Variants in EYA1 observed in about 807,000 individuals in gnomAD.
EYA1 encodes the protein EYA transcriptional coactivator and phosphatase 1, also known as protein phosphatase EYA1.
Under a neutral mutation model 82.0 loss-of-function variants are expected in EYA1, and 16 were observed. The ratio of observed to expected loss-of-function variants is 0.20; its 90% CI spans 0.13 to 0.30. EYA1 has a LOEUF of 0.30. Ranked by LOEUF, EYA1 falls within the 10% of genes least tolerant of loss-of-function variation. The pLI, the probability that EYA1 is intolerant of heterozygous loss-of-function variation, is 1.00. For missense variants in EYA1, 633 were observed against 730.7 expected, an observed-to-expected ratio of 0.87 and a Z score of 1.54; for synonymous variants, 261 against 264.4, an observed-to-expected ratio of 0.99 and a Z score of 0.12.
At chr8:71,396,301 C>T (rs1171095431) in intron 2 of EYA1, among the ~76,000 whole-genome samples, 1 of 152,092 alleles carries the variant, frequency 6.6e-6, no homozygotes, top group Non-Finnish European at 1.5e-5. Flanking sequence ...TTCAGTTCTG[C>T]TCTGATCTTA....
chr8:71,317,446 C>T, intron 7 of EYA1, 106 bp downstream of exon 7: 1 of 1,214,420 alleles, frequency 8.2e-7, no homozygotes, highest in Non-Finnish European at 1.2e-6. Context: ...TAAGCCCAAT[C>T]CAGTTGCCAT....
At chr8:71,451,975 G>A (rs920434531) in intron 2 of EYA1, among the ~76,000 whole-genome samples, 4 of 152,166 alleles carry the variant, frequency 2.6e-5, no homozygotes, top group Admixed American at 1.3e-4. Context: ...GTGAGGCATC[G>A]CCTCACCTGG....
intron 2 of EYA1, among the ~76,000 whole-genome samples, chr8:71,466,349 A>T (rs1416160059): frequency 2.0e-5 from 3 of 151,888 alleles, no homozygotes; most frequent in African/African-American, 7.3e-5. Context: ...AGTTTTTTTG[A>T]AAAGCTTTTT....
At chr8:71,203,569 G>C (rs1807341463) in intron 17 of EYA1, among the ~76,000 whole-genome samples, 1 of 152,166 alleles carries the variant, frequency 6.6e-6, no homozygotes, top group Admixed American at 6.5e-5. Context: ...GGCCTGTGGA[G>C]GATGGGGCTG....
intron 2 of EYA1, among the ~76,000 whole-genome samples, chr8:71,395,503 G>T (rs376226742): frequency 1.3e-5 from 2 of 152,176 alleles, no homozygotes; most frequent in Admixed American, 6.5e-5. Flanking sequence ...TAGCATGAAG[G>T]GTTGTTGAAT....
At chr8:71,362,307 T>A, upstream of EYA1, 1 of 638,032 alleles carries the variant, frequency 1.6e-6, no homozygotes, top group Non-Finnish European at 1.9e-6. Context: ...ATTATGTAAA[T>A]GAACGCGCCC....
chr8:71,463,958 T>A (rs1219838350), intron 2 of EYA1, among the ~76,000 whole-genome samples: 1 of 152,010 alleles, frequency 6.6e-6, no homozygotes, highest in Non-Finnish European at 1.5e-5. Context: ...TAAAGGAGAG[T>A]AAGGACTATG....
chr8:71,240,887 A>G (rs184051458), intron 12 of EYA1, among the ~76,000 whole-genome samples: 13 of 152,304 alleles, frequency 8.5e-5, no homozygotes, highest in African/African-American at 3.1e-4. Flanking sequence ...AGCTAACAGA[A>G]AGAACTCTTT....
chr8:71,215,703 T>G lies in EYA1; in HGVS notation c.1386A>C (p.Glu462Asp). The G allele has an allele frequency of 1.2e-6, 2 of 1,614,046 alleles. No individual in the cohort carries two copies. Among genetic ancestry groups the G allele is most frequent in the Non-Finnish European group, 1.7e-6 (2 of 1,179,922 alleles). ...TTTCGGCCCTCAACTGCAGCCAGGC[T>G]TCCCTCTTAGCTGGACCAAGCAGAC... Reference protein sequence around the residue: ...VGGLLGPAKREAWLQLRAEIE... With the variant: ...VGGLLGPAKRDAWLQLRAEIE... The change falls in exon 15 of 18, where the codon GAA becomes GAC. Residue 462 changes from glutamate (E) to aspartate (D), a missense_variant. Coordinates refer to ENST00000340726, the MANE Select transcript of EYA1 (RefSeq NM_000503.6).
intron 9 of EYA1, among the ~76,000 whole-genome samples, chr8:71,285,860 T>C (rs558553506): frequency 1.2e-4 from 19 of 152,262 alleles, no homozygotes; most frequent in Non-Finnish European, 2.8e-4. Flanking sequence ...GAATACAACC[T>C]TTTAATTCTT....
chr8:71,462,021 A>G (rs1358615947), intron 2 of EYA1, among the ~76,000 whole-genome samples: 1 of 151,982 alleles, frequency 6.6e-6, no homozygotes, highest in East Asian at 1.9e-4. Flanking sequence ...ATGGGTGACC[A>G]TGGCTGGGCC....
chr8:71,412,638 A>G (rs13254855), intron 2 of EYA1, among the ~76,000 whole-genome samples: 33,708 of 152,140 alleles, frequency 0.22, 4,245 homozygotes, highest in Middle Eastern at 0.33. Flanking sequence ...TGAAATCTGC[A>G]TAATGGATAC....
At chr8:71,396,503 A>G (rs981399293) in intron 2 of EYA1, among the ~76,000 whole-genome samples, 2 of 152,052 alleles carry the variant, frequency 1.3e-5, no homozygotes, top group African/African-American at 2.4e-5. Flanking sequence ...CTTTGTTCTC[A>G]TTGGTTTCAA....
chr8:71,211,173 C>G lies in EYA1; in HGVS notation c.1681G>C (p.Glu561Gln), dbSNP rs1457532578. The G allele has an allele frequency of 5.0e-6, 8 of 1,611,850 alleles. No homozygotes were observed. Among genetic ancestry groups the G allele is most frequent in the Non-Finnish European group, 6.8e-6 (8 of 1,178,118 alleles). Residue 561 changes from glutamate (E) to glutamine (Q), a missense_variant, in exon 17 of 18, where the codon GAA becomes CAA. Coordinates refer to ENST00000340726, the MANE Select transcript of EYA1 (RefSeq NM_000503.6). ...YVVIGDGVEE[E>Q]QGAKKHAMPF... ...ATGCTCACCTTTTTTGCTCCTTGTTCTTCTTCTACACCATCTCCTATAACA... is the reference window on the plus strand; with the variant it reads ...ATGCTCACCTTTTTTGCTCCTTGTTGTTCTTCTACACCATCTCCTATAACA...
rs544063195 is a variant in EYA1, at chr8:71,209,205, A to AGACTT, written c.1698+1946_1698+1950dup. ...AATGCCAGAGGCTTTCCTAGAAAGAAGACTTGAGTCTGGATGTCAGAAAAC... is the reference window on the plus strand; with the variant it reads ...AATGCCAGAGGCTTTCCTAGAAAGAAGACTTGACTTGAGTCTGGATGTCAGAAAAC... On this transcript the variant is annotated intron_variant, in intron 17 of 17. Transcript: ENST00000340726. Among the ~76,000 whole-genome samples, 452 of 152,346 alleles carry AGACTT rather than the reference A, an allele frequency of 3.0e-3. 4 individuals carry two copies. The highest frequency in any genetic ancestry group is 0.012 in the South Asian group (56 of 4,832).
intron 11 of EYA1, among the ~76,000 whole-genome samples, chr8:71,261,441 A>G (rs117653535): frequency 6.6e-6 from 1 of 152,232 alleles, no homozygotes. Flanking sequence ...AAAATAAACC[A>G]TGGTTAAACT....
chr8:71,261,552 T>C (rs1815112432), intron 11 of EYA1, among the ~76,000 whole-genome samples: 1 of 152,214 alleles, frequency 6.6e-6, no homozygotes, highest in Admixed American at 6.5e-5. Context: ...CTCGATTGTG[T>C]TAATTTTCTC....
intron 9 of EYA1, among the ~76,000 whole-genome samples, chr8:71,292,527 C>T (rs1472130807): frequency 2.6e-5 from 4 of 151,756 alleles, no homozygotes; most frequent in Non-Finnish European, 5.9e-5. Context: ...CATGGAATAC[C>T]CTTCTACTCA....
intron 2 of EYA1, among the ~76,000 whole-genome samples, chr8:71,534,367 C>T (rs543245135): frequency 3.3e-5 from 5 of 152,270 alleles, no homozygotes; most frequent in Admixed American, 6.5e-5. Flanking sequence ...CTACATGATA[C>T]GAAGTGATCT....
Sources: gnomAD v4.1 joint callset for allele counts (sites outside exome capture counted in the v4.1 genomes callset) on GRCh38, gnomAD v4.1.1 for gene constraint, MANE v1.5 for transcripts, NCBI Gene and HGNC (gene_info 2026-07-23, HGNC 2026-07-21) for gene names.